Variants in EYA2 observed in about 807,000 individuals in gnomAD.
EYA2 encodes protein phosphatase EYA2.
Under a neutral mutation model 69.2 loss-of-function variants are expected in EYA2, and 31 were observed. The observed-to-expected ratio is 0.45, with a 90% CI of 0.34 to 0.60. The LOEUF is 0.60. Among genes scored for constraint, EYA2 ranks in the 20% least tolerant of loss-of-function variants. EYA2 has a pLI of 0.02. For missense variants in EYA2, 622 were observed against 701.2 expected (o/e 0.89, Z 1.28); for synonymous variants, 257 against 279.4 (o/e 0.92, Z 0.80).
At chr20:46,959,722 A>G (rs2146286408) in intron 1 of EYA2, among the ~76,000 whole-genome samples, 1 of 152,276 alleles carries the variant, frequency 6.6e-6, no homozygotes, top group African/African-American at 2.4e-5. Context: ...CAGAGAATAA[A>G]GCTTCTCTCT....
rs73913806 is a variant in EYA2 at position 47,120,973 on chromosome 20, G to T, written c.889-22086G>T. On this transcript the variant is annotated intron_variant, in intron 9 of 15. Coordinates refer to ENST00000327619, the MANE Select transcript of EYA2 (RefSeq NM_005244.5). ...TTCTTGAAGAGATTGTGGAGAATTG[G>T]TGCTAATTCTTTTGGAATATTTGAT... is the stretch of plus-strand genomic sequence containing the variant. 5.3e-5 allele frequency among the ~76,000 whole-genome samples: 8 copies of T among 152,136 alleles called. No individual in the cohort carries two copies. In the East Asian group the frequency reaches 1.5e-3, roughly 29 times the overall value.
chr20:47,160,644 G>A (rs1057042103), intron 10 of EYA2, among the ~76,000 whole-genome samples: 1 of 152,190 alleles, frequency 6.6e-6, no homozygotes, highest in Non-Finnish European at 1.5e-5. Context: ...GCCTAGGCCA[G>A]TGTTGGGAAC....
intron 5 of EYA2, among the ~76,000 whole-genome samples, chr20:47,026,311 T>C (rs1279307374): frequency 6.6e-6 from 1 of 152,176 alleles, no homozygotes; most frequent in African/African-American, 2.4e-5. Flanking sequence ...AATAAAACCA[T>C]AAAAATACTA....
chr20:46,896,759 G>A (rs1600522460), intron 1 of EYA2, among the ~76,000 whole-genome samples: 1 of 152,178 alleles, frequency 6.6e-6, no homozygotes. Flanking sequence ...AGATGCAAAA[G>A]AGCCTGAACT....
chr20:47,077,073 C>T (rs1423336617), intron 7 of EYA2, among the ~76,000 whole-genome samples: 1 of 152,190 alleles, frequency 6.6e-6, no homozygotes, highest in Non-Finnish European at 1.5e-5. Flanking sequence ...TCACCTCAAC[C>T]ACCAGGGACT....
intron 4 of EYA2, among the ~76,000 whole-genome samples, chr20:47,009,321 G>A (rs1347720106): frequency 6.6e-6 from 1 of 152,182 alleles, no homozygotes; most frequent in African/African-American, 2.4e-5. Context: ...GACAAACCTT[G>A]TTGAATCTTG....
At chr20:47,093,809 A>G (rs2032161349) in intron 8 of EYA2, among the ~76,000 whole-genome samples, 1 of 152,232 alleles carries the variant, frequency 6.6e-6, no homozygotes, top group African/African-American at 2.4e-5. Flanking sequence ...GTTATATAAC[A>G]AGTGGAGGTA....
At chr20:47,047,377 A>G (rs1267745624) in intron 5 of EYA2, among the ~76,000 whole-genome samples, 1 of 148,488 alleles carries the variant, frequency 6.7e-6, no homozygotes, top group Non-Finnish European at 1.5e-5. Flanking sequence ...GCACTGCTTT[A>G]TTTTTTGTCT....
At chr20:46,910,118 G>T (rs777684101) in intron 1 of EYA2, among the ~76,000 whole-genome samples, 1 of 152,132 alleles carries the variant, frequency 6.6e-6, no homozygotes, top group African/African-American at 2.4e-5. Flanking sequence ...CCTGAGACTG[G>T]GTAATTTGCA....
At chr20:47,050,286 C>T (rs1215731234) in intron 5 of EYA2, among the ~76,000 whole-genome samples, 2 of 152,096 alleles carry the variant, frequency 1.3e-5, no homozygotes, top group African/African-American at 2.4e-5. Flanking sequence ...CTGTATGTAG[C>T]GAGAGGGAAA....
At chr20:46,953,001 G>A (rs1168566766) in intron 1 of EYA2, among the ~76,000 whole-genome samples, 1 of 152,164 alleles carries the variant, frequency 6.6e-6, no homozygotes, top group East Asian at 1.9e-4. Context: ...AGCTCATAGA[G>A]TTCAATTTTC....
At chr20:46,956,225 T>C (rs2146281743) in intron 1 of EYA2, among the ~76,000 whole-genome samples, 1 of 152,358 alleles carries the variant, frequency 6.6e-6, no homozygotes, top group Middle Eastern at 3.4e-3. Context: ...TCTGATTTTT[T>C]GCCCATCAGT....
intron 5 of EYA2, among the ~76,000 whole-genome samples, chr20:47,030,342 A>T (rs1984336045): frequency 6.6e-6 from 1 of 152,234 alleles, no homozygotes; most frequent in South Asian, 2.1e-4. Flanking sequence ...GGGGTACTGC[A>T]GCCACCCAAC....
chr20:47,134,778 T>C (rs1320510343), intron 9 of EYA2, among the ~76,000 whole-genome samples: 2 of 152,296 alleles, frequency 1.3e-5, no homozygotes, highest in East Asian at 3.9e-4. Context: ...CAGCCATAAA[T>C]AAACATTAAG....
At chr20:46,982,879 T>C (rs1211035340) in intron 1 of EYA2, among the ~76,000 whole-genome samples, 1 of 151,314 alleles carries the variant, frequency 6.6e-6, no homozygotes, top group African/African-American at 2.4e-5. Context: ...GTTCAAGCAA[T>C]TCTCCTGCCT....
chr20:47,172,598 A>C (rs980073040), intron 11 of EYA2, 109 bp from the exon 12 acceptor site: 1 of 1,166,002 alleles, frequency 8.6e-7, no homozygotes, highest in Non-Finnish European at 1.2e-6. Context: ...CGAGGGGCTC[A>C]TGGACACCCA....
chr20:46,960,845 C>G (rs946362221), intron 1 of EYA2, among the ~76,000 whole-genome samples: 1 of 152,184 alleles, frequency 6.6e-6, no homozygotes, highest in Non-Finnish European at 1.5e-5. Flanking sequence ...ATCCTGCCAT[C>G]CAAGCTGTGG....
intron 7 of EYA2, among the ~76,000 whole-genome samples, chr20:47,078,892 C>T (rs2031619820): frequency 1.3e-5 from 2 of 152,262 alleles, no homozygotes; most frequent in South Asian, 4.1e-4. Flanking sequence ...AATGCATAGA[C>T]CTTTTAACTC....
intron 9 of EYA2, among the ~76,000 whole-genome samples, chr20:47,105,362 T>C (rs1971594): frequency 0.65 from 98,880 of 152,054 alleles, 32,411 homozygotes; most frequent in African/African-American, 0.68. Context: ...TGGTGGCCCA[T>C]GCCTGTAATC....
Sources: allele counts gnomAD v4.1 joint callset (sites outside exome capture counted in the v4.1 genomes callset), GRCh38; gene constraint gnomAD v4.1.1; transcripts MANE v1.5; gene names NCBI Gene and HGNC (gene_info 2026-07-23, HGNC 2026-07-21).